Variants in SH3TC2 observed in about 807,000 individuals in gnomAD.
The protein encoded by SH3TC2 is SH3 domain and tetratricopeptide repeat-containing protein 2.
Under a neutral mutation model 124.5 loss-of-function variants are expected in SH3TC2, and 87 were observed. That is an observed-to-expected ratio of 0.70 (90% CI 0.59 to 0.84). The LOEUF (loss-of-function observed/expected upper bound fraction) is 0.84, where lower values mean the gene tolerates loss of function less well. SH3TC2 is among the 40% of genes least tolerant of loss of function. SH3TC2 has a pLI of 0.00. For missense variants in SH3TC2, 1,536 were observed against 1,566.4 expected (o/e 0.98, Z 0.33); for synonymous variants, 634 against 628.5 (o/e 1.01, Z -0.13).
intron 2 of SH3TC2, among the ~76,000 whole-genome samples, chr5:149,049,842 C>G (rs1458687892): frequency 6.6e-6 from 1 of 152,082 alleles, no homozygotes; most frequent in African/African-American, 2.4e-5. Context: ...TTACTCAGTG[C>G]CTGGTATGTA....
chr5:149,046,532 T>A (rs1392053583), intron 3 of SH3TC2: 2 of 152,194 alleles, frequency 1.3e-5, no homozygotes, highest in Non-Finnish European at 2.9e-5. Context: ...TTAGATCTAA[T>A]GAAAAATGGC....
chr5:148,989,188 G>A lies in SH3TC2; in HGVS notation c.*15523C>T, dbSNP rs1753384099. 6.6e-6 allele frequency among the ~76,000 whole-genome samples: 1 copy of A among 152,174 alleles called. No homozygotes were observed. On this transcript the variant is annotated 3_prime_UTR_variant, in exon 17 of 17. Transcript: ENST00000515425. ...CTTTTTTCCAAGATTACAGGCTCAA[G>A]TCATGGGTTTTAAAAATAGCCATAA...
Position 148,983,029 on chromosome 5 carries a change from T to C in SH3TC2, c.*21682A>G, listed in dbSNP as rs1457305922. Among the ~76,000 whole-genome samples the C allele has an allele frequency of 6.6e-6, 1 of 152,192 alleles. No individual in the cohort carries two copies. Among genetic ancestry groups the C allele is most frequent in the African/African-American group, 2.4e-5 (1 of 41,454 alleles). ...GATGCTGATGTCAAGGTGTTCCCTT[T>C]CCTGGGCCTCAGTGTCCCATCTATG... On this transcript the variant is annotated 3_prime_UTR_variant, in exon 17 of 17. Transcript: ENST00000515425.
chr5:149,040,459 C>T (rs918724287), intron 7 of SH3TC2, 145 bp downstream of exon 7: 7 of 754,088 alleles, frequency 9.3e-6, no homozygotes, highest in African/African-American at 6.9e-5. Flanking sequence ...ACCATGTGCA[C>T]AGACAGAAAC....
Position 149,027,279 on chromosome 5 carries a change from A to G in SH3TC2, c.2453T>C (p.Val818Ala), listed in dbSNP as rs756359142. 1 of 1,614,024 alleles carries G rather than the reference A, an allele frequency of 6.2e-7. No individual in the cohort carries two copies. The highest frequency in any genetic ancestry group is 2.2e-5 in the East Asian group (1 of 44,888). Residue 818 changes from valine (V) to alanine (A), a missense_variant, in exon 11 of 17, where the codon GTG (valine) becomes GCG (alanine). Physicochemically the swap from Val to Ala is moderately conservative, Grantham distance 64. This residue lies in a region of SH3TC2 where 1,102 missense variants were observed against 1,098.6 expected (regional missense o/e 1.00). Coordinates refer to ENST00000515425, the MANE Select transcript of SH3TC2 (RefSeq NM_024577.4). ...CAGGGAGCATAGCAGTGGCTCAAGCACATCCAAAGCCTTCTTGGCCTGGCT... is the reference window on the plus strand; with the variant it reads ...CAGGGAGCATAGCAGTGGCTCAAGCGCATCCAAAGCCTTCTTGGCCTGGCT... ...LASQAKKALD[V>A]LEPLLCSLKE...
At chr5:149,029,306 C>T (rs1044550937) in intron 9 of SH3TC2, among the ~76,000 whole-genome samples, 13 of 152,092 alleles carry the variant, frequency 8.5e-5, no homozygotes, top group African/African-American at 1.9e-4. Context: ...AAGTGAAGGG[C>T]GAATAAAAAG....
intron 4 of SH3TC2, 33 bp downstream of exon 4, chr5:149,044,500 G>T: frequency 6.5e-7 from 1 of 1,543,922 alleles, no homozygotes; most frequent in South Asian, 1.1e-5. Flanking sequence ...TTGTGGAGGA[G>T]GTCATCCTCC....
chr5:148,985,102 A>G lies in SH3TC2; in HGVS notation c.*19609T>C, dbSNP rs780545275. On this transcript the variant is annotated 3_prime_UTR_variant, in exon 17 of 17. Coordinates refer to ENST00000515425, the MANE Select transcript of SH3TC2 (RefSeq NM_024577.4). ...TTTATTGGTTCTGACTCCACTTGACATCCTCAGAAAACAAACACTGAATAA... is the reference window on the plus strand; with the variant it reads ...TTTATTGGTTCTGACTCCACTTGACGTCCTCAGAAAACAAACACTGAATAA... Among the ~76,000 whole-genome samples, 3 of 151,752 alleles carry G rather than the reference A, an allele frequency of 2.0e-5. No individual in the cohort carries two copies. Among genetic ancestry groups the G allele is most frequent in the Non-Finnish European group, 4.4e-5 (3 of 67,964 alleles).
At chr5:149,010,504 T>G in intron 13 of SH3TC2, 112 bp from the exon 14 acceptor site, 3 of 1,423,138 alleles carry the variant, frequency 2.1e-6, no homozygotes, top group South Asian at 2.5e-5. Flanking sequence ...TCTGCTAAAG[T>G]CCCCCAAATC....
intron 8 of SH3TC2, among the ~76,000 whole-genome samples, chr5:149,036,809 G>C (rs886627504): frequency 3.7e-4 from 57 of 152,282 alleles, no homozygotes; most frequent in African/African-American, 1.3e-3. Flanking sequence ...TCTGGAGGCA[G>C]AACACAGGTG....
At chr5:149,013,146 T>G (rs1440743529) in intron 12 of SH3TC2, among the ~76,000 whole-genome samples, 1 of 152,176 alleles carries the variant, frequency 6.6e-6, no homozygotes, top group Non-Finnish European at 1.5e-5. Context: ...TGTTATGCTA[T>G]TGAAATGGTT....
intron 12 of SH3TC2, among the ~76,000 whole-genome samples, chr5:149,013,126 C>G (rs940145724): frequency 6.6e-6 from 1 of 152,094 alleles, no homozygotes; most frequent in Non-Finnish European, 1.5e-5. Context: ...TGCTCTATAA[C>G]CTTTTTTGGT....
Position 149,004,792 on chromosome 5 carries a change from C to G in SH3TC2, c.3786G>C (p.Gln1262His). 6.2e-7 allele frequency: 1 copy of G among 1,614,120 alleles called. No homozygotes were observed. The highest frequency in any genetic ancestry group is 8.5e-7 in the Non-Finnish European group (1 of 1,180,034). Residue 1262 changes from glutamine (Q) to histidine (H), a missense_variant, in exon 17 of 17, where the codon CAG becomes CAC. Gln to His is a conservative substitution (Grantham distance 24). Around this residue, in one of 3 missense-constraint regions of SH3TC2, gnomAD observed 426 missense variants for 443.5 expected, o/e 0.96. Transcript: ENST00000515425. ...AGGGCCTGCTGTGCCACAGGGGGCT[C>G]TGGCAGATGTTGTCCAGCCTGCTCC... is the stretch of plus-strand genomic sequence containing the variant. The part of the protein sequence containing the change: ...TIRSRLDNIC[Q>H]SPLWHSRPSG...
At chr5:149,031,956 C>T (rs1338374511) in intron 8 of SH3TC2, among the ~76,000 whole-genome samples, 1 of 152,096 alleles carries the variant, frequency 6.6e-6, no homozygotes, top group African/African-American at 2.4e-5. Context: ...CTCTTAAAAC[C>T]CCATCTCCCA....
At chr5:149,024,609 GA>G in intron 12 of SH3TC2, among the ~76,000 whole-genome samples, 1 of 152,316 alleles carries the variant, frequency 6.6e-6, no homozygotes, top group Middle Eastern at 3.4e-3. Context: ...AGACCAAGAG[GA>G]AAAGTGACTT....
Position 149,004,754 on chromosome 5 carries a change from G to A in SH3TC2, c.3824C>T (p.Ser1275Leu), listed in dbSNP as rs1478758261. ...LWHSRPSGCS[S>L]ERARWLSGGG... The stretch of plus-strand genomic sequence containing the variant: ...ACCACTCAGCCACCGCGCCCTCTCT[G>A]AGGAGCACCCGGAGGGCCTGCTGTG... Residue 1275 changes from serine (S) to leucine (L), a missense_variant, in exon 17 of 17, where the codon TCA (serine) becomes TTA (leucine). By Grantham distance (145) the Ser-to-Leu change is moderately radical (BLOSUM62 -2). Coordinates refer to ENST00000515425, the MANE Select transcript of SH3TC2 (RefSeq NM_024577.4). The A allele has an allele frequency of 7.4e-6, 12 of 1,613,994 alleles. No homozygotes were observed. Among genetic ancestry groups the A allele is most frequent in the Non-Finnish European group, 1.0e-5 (12 of 1,179,996 alleles).
At position 149,038,416 on chromosome 5, in the gene SH3TC2, T is replaced by A. The variant is rs748663288; in HGVS notation, c.880A>T (p.Ser294Cys). The A allele has an allele frequency of 6.2e-7, 1 of 1,614,082 alleles. No individual in the cohort carries two copies. Among genetic ancestry groups the A allele is most frequent in the Admixed American group, 1.7e-5 (1 of 60,012 alleles). The change falls in exon 8 of 17, where the codon AGC becomes TGC. Residue 294 changes from serine (S) to cysteine (C), a missense_variant. Physicochemically the swap from Ser to Cys is moderately radical, Grantham distance 112. Around this residue, in one of 3 missense-constraint regions of SH3TC2, gnomAD observed 1,102 missense variants for 1,098.6 expected, o/e 1.00. Transcript: ENST00000515425. ...KDELNFYQGESIEIIGFVIPG... is the reference protein window; with the variant it reads ...KDELNFYQGECIEIIGFVIPG... The stretch of plus-strand genomic sequence containing the variant: ...ATGACAAAGCCGATGATCTCAATGC[T>A]TTCTCCCTGGTAGAAATTCAGTTCA...
chr5:149,027,537 A>G lies in SH3TC2; in HGVS notation c.2195T>C (p.Val732Ala). ...LGFPSPGWGE[V>A]SALACPMLRQ... is the part of the protein sequence containing the mutation. Reference sequence around the variant, plus strand: ...GAGCATTGGGCAGGCCAAGGCAGAAACTTCACCCCAGCCTGGGGAAGGAAA... The same window carrying G: ...GAGCATTGGGCAGGCCAAGGCAGAAGCTTCACCCCAGCCTGGGGAAGGAAA... The change falls in exon 11 of 17, where the codon GTT becomes GCT. Residue 732 changes from valine to alanine, a missense_variant. Transcript: ENST00000515425. The G allele has an allele frequency of 6.2e-7, 1 of 1,614,172 alleles. No homozygotes were observed.
chr5:149,059,667 A>T lies in SH3TC2; in HGVS notation c.52+3304T>A, dbSNP rs73795770. Among the ~76,000 whole-genome samples, 307 of 151,964 alleles carry T rather than the reference A, an allele frequency of 2.0e-3. 1 individual carries two copies. The highest frequency in any genetic ancestry group is 7.1e-3 in the African/African-American group (296 of 41,486). On this transcript the variant is annotated intron_variant, in intron 1 of 16. Coordinates refer to ENST00000515425, the MANE Select transcript of SH3TC2 (RefSeq NM_024577.4). ...TTAGCAAAAAAAAAAAAAAAGTTGC[A>T]TCATGATATCATTTTGTTTAAGTTT...
Sources: gnomAD v4.1 joint callset for allele counts (sites outside exome capture counted in the v4.1 genomes callset) on GRCh38, gnomAD v4.1.1 for gene constraint, gnomAD v4.1.1 regional missense constraint, MANE v1.5 for transcripts, NCBI Gene and HGNC (gene_info 2026-07-23, HGNC 2026-07-21) for gene names.